The following TINAG variants were observed in gnomAD, a reference collection of about 807,000 sequenced individuals.
TINAG encodes the protein tubulointerstitial nephritis antigen.
Under a neutral mutation model 72.7 loss-of-function variants are expected in TINAG, and 83 were observed. That is an observed-to-expected ratio of 1.14 (90% CI 0.96 to 1.37). TINAG has a LOEUF of 1.37. Among genes scored for constraint, TINAG ranks in the 40% most tolerant of loss-of-function variants. TINAG has a pLI of 0.00. For missense variants in TINAG, 685 were observed against 576.6 expected (o/e 1.19, Z -1.93); for synonymous variants, 234 against 189.9 (o/e 1.23, Z -1.91).
chr6:54,317,440 A>C (rs1347606360), intron 1 of TINAG, among the ~76,000 whole-genome samples: 1 of 152,046 alleles, frequency 6.6e-6, no homozygotes, highest in Non-Finnish European at 1.5e-5. Flanking sequence ...AATGAGTCTC[A>C]TAAGATCTGA....
In TINAG at chr6:54,317,341, C is replaced by T. The variant is rs184699356; in HGVS notation, c.356-3238C>T. On this transcript the variant is annotated intron_variant, in intron 1 of 10. Transcript: ENST00000259782. ...CAAATCTCATCTTGGATTGTAGCTC[C>T]CATAATTCTCACCTGTCATGGGAGG... is the stretch of plus-strand genomic sequence containing the variant. Among the ~76,000 whole-genome samples, 234 of 152,144 alleles carry T rather than the reference C, an allele frequency of 1.5e-3. 1 individual carries two copies. The highest frequency in any genetic ancestry group is 4.8e-3 in the African/African-American group (201 of 41,530).
At chr6:54,376,050 G>T (rs1397001353) in intron 9 of TINAG, among the ~76,000 whole-genome samples, 1 of 152,142 alleles carries the variant, frequency 6.6e-6, no homozygotes, top group Non-Finnish European at 1.5e-5. Context: ...AATAGGCAGA[G>T]ATGAGGTTTT....
chr6:54,324,547 T>G (rs191659368), intron 3 of TINAG, among the ~76,000 whole-genome samples: 49 of 152,360 alleles, frequency 3.2e-4, no homozygotes, highest in African/African-American at 1.1e-3. Context: ...ATAGATTCTT[T>G]CTTATGAACT....
chr6:54,317,727 C>T (rs1444180232), intron 1 of TINAG, among the ~76,000 whole-genome samples: 1 of 152,172 alleles, frequency 6.6e-6, no homozygotes, highest in South Asian at 2.1e-4. Context: ...CCCTTAACTT[C>T]ATGTCTTTAA....
intron 10 of TINAG, among the ~76,000 whole-genome samples, chr6:54,382,025 G>A (rs115697954): frequency 0.021 from 3,243 of 151,952 alleles, 65 homozygotes; most frequent in Non-Finnish European, 0.033. Context: ...ATACACATAC[G>A]CTGAGTATGA....
intron 10 of TINAG, among the ~76,000 whole-genome samples, chr6:54,382,528 G>T (rs916803191): frequency 6.6e-6 from 1 of 151,998 alleles, no homozygotes; most frequent in Non-Finnish European, 1.5e-5. Flanking sequence ...AAGTACTGTT[G>T]TACTGTTTTG....
intron 1 of TINAG, among the ~76,000 whole-genome samples, chr6:54,319,321 G>A (rs1784438714): frequency 6.6e-6 from 1 of 152,144 alleles, no homozygotes; most frequent in African/African-American, 2.4e-5. Context: ...GAAACATACT[G>A]TGGATTCAGT....
intron 9 of TINAG, among the ~76,000 whole-genome samples, chr6:54,358,321 A>G (rs909514678): frequency 7.2e-5 from 11 of 151,788 alleles, no homozygotes; most frequent in Non-Finnish European, 4.4e-5. Flanking sequence ...TGTTGATTGT[A>G]TATTGTCTGT....
At position 54,308,903 on chromosome 6, in the gene TINAG, A is replaced by G; in HGVS notation, c.353A>G (p.Glu118Gly). The change falls in exon 1 of 11, where the codon GAA becomes GGA. Residue 118 changes from glutamate to glycine, a missense_variant and splice_region_variant. Physicochemically the swap from Glu to Gly is moderately conservative, Grantham distance 98 (BLOSUM62 -2). Coordinates refer to ENST00000259782, the MANE Select transcript of TINAG (RefSeq NM_014464.4). Reference sequence around the variant, plus strand: ...CCTCACACACAGCCTTGGTATCCAGAAGGTAGGCTTTGGGAATGTGTTTCA... The same window carrying G: ...CCTCACACACAGCCTTGGTATCCAGGAGGTAGGCTTTGGGAATGTGTTTCA... ...WPPHTQPWYP[E>G]GCFKDGQHYE... The G allele has an allele frequency of 5.6e-6, 9 of 1,601,796 alleles. No homozygotes were observed. Among genetic ancestry groups the G allele is most frequent in the Non-Finnish European group, 6.8e-6 (8 of 1,173,942 alleles).
At chr6:54,333,186 C>A (rs1458622025) in intron 4 of TINAG, among the ~76,000 whole-genome samples, 3 of 152,042 alleles carry the variant, frequency 2.0e-5, no homozygotes, top group South Asian at 2.1e-4. Context: ...TATTGCAGCA[C>A]CATTCACAAT....
intron 6 of TINAG, 49 bp from the exon 7 acceptor site, chr6:54,349,667 A>G (rs1785212486): frequency 7.1e-7 from 1 of 1,416,916 alleles, no homozygotes; most frequent in South Asian, 1.5e-5. Flanking sequence ...AAAGGATATT[A>G]CGACATTCTC....
At chr6:54,388,325 A>C (rs1272443287) in intron 10 of TINAG, among the ~76,000 whole-genome samples, 1 of 152,196 alleles carries the variant, frequency 6.6e-6, no homozygotes, top group Non-Finnish European at 1.5e-5. Flanking sequence ...TGAAATGATA[A>C]ATTGAACTTA....
intron 10 of TINAG, among the ~76,000 whole-genome samples, chr6:54,382,036 TTATC>T (rs1159917033): frequency 1.3e-5 from 2 of 152,184 alleles, no homozygotes; most frequent in East Asian, 3.9e-4. Flanking sequence ...CTGAGTATGA[TTATC>T]TACTCACTCA....
At chr6:54,313,796 A>G (rs1784312177) in intron 1 of TINAG, among the ~76,000 whole-genome samples, 1 of 152,184 alleles carries the variant, frequency 6.6e-6, no homozygotes, top group South Asian at 2.1e-4. Flanking sequence ...AAATATTTTC[A>G]TAAGCATACT....
intron 4 of TINAG, among the ~76,000 whole-genome samples, chr6:54,338,202 T>G (rs778084516): frequency 3.3e-5 from 5 of 152,296 alleles, no homozygotes; most frequent in Admixed American, 6.5e-5. Context: ...TATAACACTG[T>G]GGTAAAATTG....
chr6:54,335,078 G>A (rs73741231), intron 4 of TINAG, among the ~76,000 whole-genome samples: 3 of 152,122 alleles, frequency 2.0e-5, no homozygotes, highest in Non-Finnish European at 2.9e-5. Flanking sequence ...TGAGGGCCAC[G>A]GTGGGCCACA....
intron 9 of TINAG, among the ~76,000 whole-genome samples, chr6:54,358,909 A>G (rs1339460302): frequency 6.6e-6 from 1 of 151,782 alleles, no homozygotes; most frequent in Non-Finnish European, 1.5e-5. Flanking sequence ...CCTCATTACA[A>G]AAATCTTAAG....
intron 1 of TINAG, among the ~76,000 whole-genome samples, chr6:54,316,760 C>T (rs1426445268): frequency 6.6e-6 from 1 of 152,064 alleles, no homozygotes; most frequent in South Asian, 2.1e-4. Context: ...AACATATCAT[C>T]ATCTTTTTGC....
At chr6:54,310,736 T>C (rs1784229626) in intron 1 of TINAG, among the ~76,000 whole-genome samples, 1 of 146,120 alleles carries the variant, frequency 6.8e-6, no homozygotes, top group African/African-American at 2.6e-5. Flanking sequence ...TTTCTCTCTT[T>C]CTCTCCCTCT....
Sources: gnomAD v4.1 joint callset for allele counts (sites outside exome capture counted in the v4.1 genomes callset) on GRCh38, gnomAD v4.1.1 for gene constraint, MANE v1.5 for transcripts, NCBI Gene and HGNC (gene_info 2026-07-23, HGNC 2026-07-21) for gene names.